The following DSCAML1 variants were observed in gnomAD, a reference collection of about 807,000 sequenced individuals.
DSCAML1 encodes cell adhesion molecule DSCAML1.
Under a neutral mutation model 200.5 loss-of-function variants are expected in DSCAML1, and 38 were observed. That is an observed-to-expected ratio of 0.19 (90% confidence interval 0.15 to 0.25). The LOEUF is 0.25. DSCAML1 is among the 10% of genes least tolerant of loss of function. The probability of loss-of-function intolerance (pLI) is 1.00; values close to 1 mark genes in which losing one functional copy is unlikely to be tolerated. For missense variants in DSCAML1, 2,223 were observed against 2,858.8 expected, an observed-to-expected ratio of 0.78 and a Z score of 5.07; for synonymous variants, 1,215 against 1,165.0, an observed-to-expected ratio of 1.04 and a Z score of -0.87.
intron 1 of DSCAML1, among the ~76,000 whole-genome samples, chr11:117,815,450 G>A (rs555099450): frequency 3.9e-4 from 59 of 152,240 alleles, no homozygotes; most frequent in South Asian, 6.2e-4. Context: ...GGGCTTCCGG[G>A]GCCACAAATT....
intron 3 of DSCAML1, among the ~76,000 whole-genome samples, chr11:117,541,170 C>A (rs2050262322): frequency 6.6e-6 from 1 of 152,210 alleles, no homozygotes; most frequent in Admixed American, 6.5e-5. Flanking sequence ...GCCTGAAATG[C>A]TTTTTCCTTG....
At chr11:117,781,619 A>G (rs1448146728) in intron 1 of DSCAML1, among the ~76,000 whole-genome samples, 1 of 152,188 alleles carries the variant, frequency 6.6e-6, no homozygotes, top group African/African-American at 2.4e-5. Context: ...GTGGGTGGAT[A>G]AGATCTAGAC....
intron 1 of DSCAML1, among the ~76,000 whole-genome samples, chr11:117,813,817 C>T (rs560894873): frequency 2.0e-5 from 3 of 152,136 alleles, no homozygotes; most frequent in Non-Finnish European, 4.4e-5. Flanking sequence ...GTCTCCATAC[C>T]ACTCCCCCAA....
At chr11:117,494,542 C>T (rs1028535349) in intron 11 of DSCAML1, among the ~76,000 whole-genome samples, 1 of 152,178 alleles carries the variant, frequency 6.6e-6, no homozygotes, top group Admixed American at 6.5e-5. Context: ...TGCTGGAAAG[C>T]ATGGAGTTGT....
At chr11:117,686,453 G>A (rs1274199603) in intron 3 of DSCAML1, among the ~76,000 whole-genome samples, 1 of 152,244 alleles carries the variant, frequency 6.6e-6, no homozygotes, top group Non-Finnish European at 1.5e-5. Context: ...GCCAAGAGCA[G>A]GAGCCTTCGC....
At chr11:117,612,960 G>C (rs1470625182) in intron 3 of DSCAML1, among the ~76,000 whole-genome samples, 1 of 152,152 alleles carries the variant, frequency 6.6e-6, no homozygotes, top group Non-Finnish European at 1.5e-5. Context: ...TTCCATCCCT[G>C]ATTGGGCCAC....
At chr11:117,723,906 T>C (rs962603963) in intron 3 of DSCAML1, among the ~76,000 whole-genome samples, 1 of 152,236 alleles carries the variant, frequency 6.6e-6, no homozygotes, top group Non-Finnish European at 1.5e-5. Flanking sequence ...CATCTTGGGC[T>C]CAGGGCATTT....
chr11:117,806,687 C>T (rs1005029845), intron 1 of DSCAML1, among the ~76,000 whole-genome samples: 10 of 152,198 alleles, frequency 6.6e-5, no homozygotes, highest in Non-Finnish European at 1.5e-4. Context: ...GTCCAATTCA[C>T]GCAGCGTCAG....
intron 1 of DSCAML1, among the ~76,000 whole-genome samples, chr11:117,787,221 C>A (rs933497199): frequency 6.6e-4 from 101 of 152,330 alleles, no homozygotes; most frequent in African/African-American, 2.3e-3. Context: ...GTGACAATGT[C>A]TACCTCAAGG....
intron 3 of DSCAML1, among the ~76,000 whole-genome samples, chr11:117,731,374 T>C (rs2054216632): frequency 6.6e-6 from 1 of 152,138 alleles, no homozygotes; most frequent in African/African-American, 2.4e-5. Flanking sequence ...TGGAAAGCCA[T>C]CCACAAAGAC....
At chr11:117,607,924 A>G (rs1730438843) in intron 3 of DSCAML1, among the ~76,000 whole-genome samples, 1 of 152,232 alleles carries the variant, frequency 6.6e-6, no homozygotes, top group Admixed American at 6.5e-5. Context: ...TATGCATGAA[A>G]TCCCACCAGA....
intron 3 of DSCAML1, among the ~76,000 whole-genome samples, chr11:117,547,359 G>A (rs183436635): frequency 1.3e-5 from 2 of 152,304 alleles, no homozygotes; most frequent in East Asian, 1.9e-4. Context: ...GTAGCTGCAC[G>A]GCGGCAGGGA....
chr11:117,613,044 T>C (rs1381393731), intron 3 of DSCAML1, among the ~76,000 whole-genome samples: 1 of 152,128 alleles, frequency 6.6e-6, no homozygotes, highest in African/African-American at 2.4e-5. Flanking sequence ...TGAGTGTCCA[T>C]GTACCTCTGA....
intron 27 of DSCAML1, 148 bp from the exon 28 acceptor site, chr11:117,433,619 C>T: frequency 1.3e-6 from 1 of 795,110 alleles, no homozygotes; most frequent in Middle Eastern, 2.5e-4. Flanking sequence ...AATGTAAGGA[C>T]CTACAAAACA....
chr11:117,654,421 G>A (rs895476111), intron 3 of DSCAML1, among the ~76,000 whole-genome samples: 1 of 152,194 alleles, frequency 6.6e-6, no homozygotes, highest in Non-Finnish European at 1.5e-5. Flanking sequence ...GGAATTGGGA[G>A]CTATGCACTC....
upstream of DSCAML1, chr11:117,801,867 G>A (rs2055662351): frequency 6.6e-6 from 1 of 152,232 alleles, no homozygotes; most frequent in Non-Finnish European, 1.5e-5. Flanking sequence ...AGCAAGGCAG[G>A]AGTCCCCTGA....
intron 3 of DSCAML1, among the ~76,000 whole-genome samples, chr11:117,643,727 G>A (rs899699960): frequency 1.3e-5 from 2 of 152,146 alleles, no homozygotes; most frequent in African/African-American, 2.4e-5. Flanking sequence ...CAATGCTCGG[G>A]TGATCACCCA....
intron 24 of DSCAML1, among the ~76,000 whole-genome samples, chr11:117,438,434 A>C (rs2047969238): frequency 6.6e-6 from 1 of 152,018 alleles, no homozygotes; most frequent in African/African-American, 2.4e-5. Flanking sequence ...CTTCACTAGG[A>C]TCTAGACACG....
intron 3 of DSCAML1, among the ~76,000 whole-genome samples, chr11:117,650,652 A>AGT (rs2052610188): frequency 1.4e-5 from 2 of 145,048 alleles, no homozygotes; most frequent in South Asian, 4.4e-4. Flanking sequence ...TTCTGTTTAA[A>AGT]GTGTGTGTGT....
Sources: allele counts gnomAD v4.1 joint callset (sites outside exome capture counted in the v4.1 genomes callset), GRCh38; gene constraint gnomAD v4.1.1; transcripts MANE v1.5; gene names NCBI Gene and HGNC (gene_info 2026-07-23, HGNC 2026-07-21).